DHX57: variants seen among roughly 807,000 people sequenced by gnomAD.
The protein encoded by DHX57 is DExH-box helicase 57, also known as putative ATP-dependent RNA helicase DHX57.
In DHX57, 105 loss-of-function variants were observed where a neutral mutation model predicts 156.2. That is an observed-to-expected ratio of 0.67 (90% confidence interval 0.57 to 0.79). DHX57 has a LOEUF of 0.79. DHX57 is among the 30% of genes least tolerant of loss of function. The probability of loss-of-function intolerance (pLI) is 0.00; values close to 1 mark genes in which losing one functional copy is unlikely to be tolerated. For missense variants in DHX57, 1,847 were observed against 1,661.9 expected (o/e 1.11, Z -1.94); for synonymous variants, 704 against 595.6 (o/e 1.18, Z -2.65).
At chr2:38,814,021 T>G in intron 20 of DHX57, 126 bp from the exon 21 acceptor site, 1 of 981,926 alleles carries the variant, frequency 1.0e-6, no homozygotes, top group South Asian at 1.4e-5. Flanking sequence ...TACTGCAACC[T>G]CCGCCTCCCA....
intron 21 of DHX57, 93 bp from the exon 22 acceptor site, chr2:38,806,786 C>CAGTCTTGCTT: frequency 7.7e-7 from 1 of 1,292,862 alleles, no homozygotes; most frequent in South Asian, 1.5e-5. Context: ...CAGTCTTGCT[C>CAGTCTTGCTT]AGTCTTGCTT....
chr2:38,802,399 T>C (rs1386076682), intron 23 of DHX57, among the ~76,000 whole-genome samples: 1 of 152,040 alleles, frequency 6.6e-6, no homozygotes, highest in African/African-American at 2.4e-5. Context: ...GCGATTCTCA[T>C]GTCTCAGCGT....
intron 21 of DHX57, 47 bp downstream of exon 21, chr2:38,813,774 A>C: frequency 6.2e-7 from 1 of 1,602,118 alleles, no homozygotes; most frequent in Non-Finnish European, 8.5e-7. Flanking sequence ...TCACTTGGCT[A>C]CAAATCAAAC....
intron 9 of DHX57, among the ~76,000 whole-genome samples, chr2:38,849,466 G>A (rs1158416235): frequency 6.6e-6 from 1 of 151,876 alleles, no homozygotes; most frequent in African/African-American, 2.4e-5. Context: ...AATCCTAGCA[G>A]TTTGGGAGGC....
chr2:38,868,228 C>T lies in DHX57; in HGVS notation c.178G>A (p.Asp60Asn). 6.2e-7 allele frequency: 1 copy of T among 1,614,154 alleles called. No homozygotes were observed. Among genetic ancestry groups the T allele is most frequent in the South Asian group, 1.1e-5 (1 of 91,092 alleles). ...CTGAAGATACAAAAGTCATCTCCATCATCCCATATTCTACTGGAGGCCTTT... is the reference window on the plus strand; with the variant it reads ...CTGAAGATACAAAAGTCATCTCCATTATCCCATATTCTACTGGAGGCCTTT... The part of the protein sequence containing the change: ...NRKASSRIWD[D>N]GDDFCIFSES... Residue 60 changes from aspartate to asparagine, a missense_variant, in exon 2 of 24, where the codon GAT becomes AAT. Physicochemically the swap from Asp to Asn is conservative, Grantham distance 23. Transcript: ENST00000457308.
chr2:38,832,745 C>G (rs1306754417), intron 13 of DHX57, among the ~76,000 whole-genome samples: 2 of 151,696 alleles, frequency 1.3e-5, no homozygotes, highest in East Asian at 2.0e-4. Flanking sequence ...GCCATGTTGG[C>G]TAGGCTGGTC....
chr2:38,798,123 T>G lies in DHX57; in HGVS notation c.*176A>C. ...AATTGTGCTGGGAGTGGCCAAGGCT[T>G]TGTTAGAAATGGCCCTAAGGGTATA... On this transcript the variant is annotated 3_prime_UTR_variant, in exon 24 of 24. Coordinates refer to ENST00000457308, the MANE Select transcript of DHX57 (RefSeq NM_198963.3). 1 of 667,718 alleles carries G rather than the reference T, an allele frequency of 1.5e-6. No homozygotes were observed. The highest frequency in any genetic ancestry group is 2.3e-6 in the Non-Finnish European group (1 of 429,586). 41.4% of individuals were successfully genotyped at this position (667,718 alleles called of 1,614,324 possible). A position where few individuals can be genotyped will look rare whatever the true frequency, so the allele number is the denominator to read the frequency against.
intron 1 of DHX57, among the ~76,000 whole-genome samples, chr2:38,869,252 T>C (rs527543518): frequency 7.9e-5 from 12 of 152,348 alleles, no homozygotes; most frequent in East Asian, 1.9e-4. Context: ...GTAAGACAGA[T>C]AGCTCCTAAT....
chr2:38,853,083 T>A (rs924493048), intron 9 of DHX57: 5 of 173,924 alleles, frequency 2.9e-5, no homozygotes, highest in African/African-American at 1.2e-4. Context: ...TGAGACAGGG[T>A]CTTGCTTTCT....
intron 22 of DHX57, among the ~76,000 whole-genome samples, chr2:38,806,082 A>G (rs1260341966): frequency 3.3e-5 from 5 of 152,228 alleles, no homozygotes; most frequent in Non-Finnish European, 7.3e-5. Context: ...CAGATTAGCA[A>G]TGTCAAATAC....
chr2:38,862,067 A>G (rs1421767977), intron 4 of DHX57, 78 bp downstream of exon 4: 14 of 1,460,720 alleles, frequency 9.6e-6, no homozygotes, highest in African/African-American at 1.4e-5. Flanking sequence ...GAAAGTACAC[A>G]AAGAGGGGTA....
intron 21 of DHX57, chr2:38,810,989 C>CT: frequency 3.8e-6 from 3 of 783,082 alleles, no homozygotes; most frequent in East Asian, 2.8e-5. Context: ...ACAGGGACCC[C>CT]TTTTTTACTC....
chr2:38,823,232 G>T lies in DHX57; in HGVS notation c.3052C>A (p.Gln1018Lys). 1 of 1,614,058 alleles carries T rather than the reference G, an allele frequency of 6.2e-7. No individual in the cohort carries two copies. Among genetic ancestry groups the T allele is most frequent in the Non-Finnish European group, 8.5e-7 (1 of 1,180,010 alleles). ...ILEMFSAHNLQSVFSRLIEPP... is the reference protein window; with the variant it reads ...ILEMFSAHNLKSVFSRLIEPP... ...TCAATGAGCCGAGAGAACACAGACT[G>T]GAGATTATGAGCACTAAACATCTCT... is the stretch of plus-strand genomic sequence containing the variant. The change falls in exon 17 of 24, where the codon CAG (glutamine) becomes AAG (lysine). Residue 1018 changes from glutamine (Q) to lysine (K), a missense_variant. Physicochemically the swap from Gln to Lys is moderately conservative, Grantham distance 53. Coordinates refer to ENST00000457308, the MANE Select transcript of DHX57 (RefSeq NM_198963.3).
chr2:38,866,211 T>C (rs1175823772), intron 2 of DHX57, among the ~76,000 whole-genome samples: 2 of 152,230 alleles, frequency 1.3e-5, no homozygotes, highest in East Asian at 3.8e-4. Context: ...TTACTTCATG[T>C]AAAAGCCAAA....
intron 1 of DHX57, 58 bp from the exon 2 acceptor site, chr2:38,868,469 T>A (rs528872481): frequency 6.5e-6 from 10 of 1,536,586 alleles, no homozygotes; most frequent in Non-Finnish European, 8.9e-6. Flanking sequence ...TGATAATCCT[T>A]TGTTTGCCAA....
chr2:38,820,033 G>C (rs1436672876), intron 17 of DHX57, among the ~76,000 whole-genome samples: 1 of 152,160 alleles, frequency 6.6e-6, no homozygotes, highest in Non-Finnish European at 1.5e-5. Context: ...AGCATGAGCT[G>C]CAGTAGTTTC....
chr2:38,871,407 AT>A (rs762353918), intron 1 of DHX57, among the ~76,000 whole-genome samples: 19 of 152,200 alleles, frequency 1.2e-4, no homozygotes, highest in Admixed American at 5.2e-4. Flanking sequence ...AGTTGGGTAT[AT>A]AACATTAATA....
At chr2:38,831,315 T>C (rs1671366470) in intron 13 of DHX57, among the ~76,000 whole-genome samples, 1 of 122,078 alleles carries the variant, frequency 8.2e-6, no homozygotes, top group Non-Finnish European at 1.7e-5. Context: ...ATTTTCTTTC[T>C]TTATTTCTTT....
Position 38,856,421 on chromosome 2 carries a change from G to C in DHX57, c.1628C>G (p.Ser543Ter). 6.2e-7 allele frequency: 1 copy of C among 1,613,478 alleles called. No homozygotes were observed. Among genetic ancestry groups the C allele is most frequent in the Non-Finnish European group, 8.5e-7 (1 of 1,179,828 alleles). ...QFQSILQERQ[S>*]LPAWEERETI... ...TTCTCTTTCTTCCCAAGCAGGGAGT[G>C]ATTGCCTCTCTTGCAGAATGGACTG... The change falls in exon 7 of 24, where the codon TCA (serine) becomes TGA (stop). Residue 543 changes from serine to a stop codon, truncating the protein, a stop_gained. Coordinates refer to ENST00000457308, the MANE Select transcript of DHX57 (RefSeq NM_198963.3). LOFTEE classifies it high-confidence loss of function.
Sources: gnomAD v4.1 joint callset for allele counts (sites outside exome capture counted in the v4.1 genomes callset) on GRCh38, gnomAD v4.1.1 for gene constraint, MANE v1.5 for transcripts, NCBI Gene and HGNC (gene_info 2026-07-23, HGNC 2026-07-21) for gene names.